Variants in PLD5 observed in about 807,000 individuals in gnomAD.
PLD5 encodes the protein inactive phospholipase D5.
In PLD5, 36 loss-of-function variants were observed where a neutral mutation model predicts 61.1. The observed-to-expected ratio is 0.59, with a 90% CI of 0.45 to 0.78. The LOEUF (loss-of-function observed/expected upper bound fraction) is 0.78, where lower values mean the gene tolerates loss of function less well. PLD5 is among the 30% of genes least tolerant of loss of function. The pLI, the probability that PLD5 is intolerant of heterozygous loss-of-function variation, is 0.00. For missense variants in PLD5, 515 were observed against 644.4 expected (o/e 0.80, Z 2.17); for synonymous variants, 243 against 242.8 (o/e 1.00, Z -0.01).
chr1:242,394,737 T>C (rs1265754024), intron 1 of PLD5, among the ~76,000 whole-genome samples: 10 of 72,570 alleles, frequency 1.4e-4, no homozygotes, highest in Non-Finnish European at 1.7e-4. Context: ...CATATATGTG[T>C]ATATATGTGA....
rs551744958 is a variant in PLD5, at chr1:242,390,776, T to C, written c.190-42534A>G. ...TGACTTAGCCTGCAGGAAGACTATG[T>C]TCTTCCTAACAAGAGACAATCTCAA... On this transcript the variant is annotated intron_variant, in intron 1 of 9. Coordinates refer to ENST00000536534, the MANE Select transcript of PLD5 (RefSeq NM_001372062.1). Among the ~76,000 whole-genome samples the C allele has an allele frequency of 3.3e-5, 5 of 152,262 alleles. No individual in the cohort carries two copies. In the South Asian group the frequency reaches 8.3e-4, roughly 25 times the overall value.
chr1:242,306,778 CACACACACACACA>C (rs1676387328), intron 2 of PLD5, among the ~76,000 whole-genome samples: 3 of 101,806 alleles, frequency 2.9e-5, no homozygotes, highest in Non-Finnish European at 6.1e-5. Context: ...CACACACACA[CACACACACACACA>C]CCCCACTTAC....
intron 5 of PLD5, among the ~76,000 whole-genome samples, chr1:242,207,852 T>TTATATTTA (rs1669474613): frequency 3.6e-5 from 1 of 27,838 alleles, no homozygotes; most frequent in South Asian, 1.5e-3. Flanking sequence ...TTATATATAT[T>TTATATTTA]TATATATTTA....
chr1:242,129,396 G>A (rs1317796518), intron 5 of PLD5, among the ~76,000 whole-genome samples: 1 of 152,098 alleles, frequency 6.6e-6, no homozygotes, highest in African/African-American at 2.4e-5. Flanking sequence ...CCTATTTCTA[G>A]TTTTACGTAT....
intron 5 of PLD5, among the ~76,000 whole-genome samples, chr1:242,130,486 G>T (rs1472080101): frequency 2.0e-5 from 3 of 152,158 alleles, no homozygotes; most frequent in Non-Finnish European, 4.4e-5. Context: ...TTGCTGGATC[G>T]AATGGTAATT....
chr1:242,276,033 T>C (rs4081961), intron 3 of PLD5, among the ~76,000 whole-genome samples: 8,370 of 152,100 alleles, frequency 0.055, 273 homozygotes, highest in Middle Eastern at 0.13. Context: ...AAGTATCAAT[T>C]GCAATGAAAA....
chr1:242,152,186 C>A (rs1200275077), intron 5 of PLD5, among the ~76,000 whole-genome samples: 1 of 151,994 alleles, frequency 6.6e-6, no homozygotes, highest in Non-Finnish European at 1.5e-5. Context: ...GTTCTAGAGG[C>A]TGCTCACCTT....
intron 1 of PLD5, among the ~76,000 whole-genome samples, chr1:242,429,404 T>A (rs2102885865): frequency 6.6e-6 from 1 of 152,298 alleles, no homozygotes; most frequent in East Asian, 1.9e-4. Context: ...TTTTTAAAAT[T>A]TTTTTTAATT....
chr1:242,124,734 A>G, intron 5 of PLD5, 69 bp from the exon 6 acceptor site: 1 of 1,260,712 alleles, frequency 7.9e-7, no homozygotes, highest in Non-Finnish European at 1.1e-6. Context: ...AGAAAAAAGG[A>G]ATGCATAAGA....
intron 2 of PLD5, among the ~76,000 whole-genome samples, chr1:242,317,306 C>A (rs1248544438): frequency 6.6e-6 from 1 of 152,164 alleles, no homozygotes; most frequent in Non-Finnish European, 1.5e-5. Flanking sequence ...TGAGCCACTG[C>A]GCCTGGCCTC....
At chr1:242,415,723 C>T (rs1028906802) in intron 1 of PLD5, among the ~76,000 whole-genome samples, 6 of 151,950 alleles carry the variant, frequency 3.9e-5, no homozygotes, top group African/African-American at 1.5e-4. Context: ...CCATGTTAGC[C>T]AGGATGGTCT....
intron 2 of PLD5, among the ~76,000 whole-genome samples, chr1:242,296,569 G>T (rs1051938933): frequency 6.6e-6 from 1 of 152,176 alleles, no homozygotes; most frequent in Non-Finnish European, 1.5e-5. Context: ...GGAAATAGTT[G>T]ATACAGACCT....
chr1:242,271,201 C>CAGAG (rs60075638), intron 3 of PLD5, among the ~76,000 whole-genome samples: 7 of 102,110 alleles, frequency 6.9e-5, no homozygotes, highest in African/African-American at 3.1e-4. Flanking sequence ...CACACACACA[C>CAGAG]AGAGAGAGAG....
In PLD5 at chr1:242,252,511, G is replaced by A. The variant is rs562046711; in HGVS notation, c.607+12826C>T. ...GAGGATGGCTTGAGCCCAGGAGTTC[G>A]AGACCAGCCTGGGCAACATAACAAG... On this transcript the variant is annotated intron_variant, in intron 4 of 9. Transcript: ENST00000536534. 2.0e-4 allele frequency among the ~76,000 whole-genome samples: 31 copies of A among 152,198 alleles called. No homozygotes were observed. The East Asian group carries it at 4.8e-3, about 24-fold the overall frequency.
chr1:242,473,536 TGA>T (rs1468580645), intron 1 of PLD5, among the ~76,000 whole-genome samples: 1 of 152,234 alleles, frequency 6.6e-6, no homozygotes, highest in Non-Finnish European at 1.5e-5. Flanking sequence ...TTACTAAACA[TGA>T]GTATAGGTAT....
At position 242,114,015 on chromosome 1, in the gene PLD5, T is replaced by G. The variant is rs1320608165; in HGVS notation, c.945A>C (p.Lys315Asn). 6.2e-7 allele frequency: 1 copy of G among 1,612,442 alleles called. No homozygotes were observed. The highest frequency in any genetic ancestry group is 8.5e-7 in the Non-Finnish European group (1 of 1,179,362). Residue 315 changes from lysine (K) to asparagine (N), a missense_variant, in exon 7 of 10, where the codon AAA becomes AAC. Coordinates refer to ENST00000536534, the MANE Select transcript of PLD5 (RefSeq NM_001372062.1). Reference sequence around the variant, plus strand: ...AACTTCTGTTTTTAGGGCAAAAGAGTTTTGGAGAATTCTGTGAAGACACAA... The same window carrying G: ...AACTTCTGTTTTTAGGGCAAAAGAGGTTTGGAGAATTCTGTGAAGACACAA... ...KSQAFVSNSP[K>N]LFCPKNRSFD...
intron 5 of PLD5, among the ~76,000 whole-genome samples, chr1:242,212,768 C>T (rs1308299171): frequency 6.6e-6 from 1 of 152,240 alleles, no homozygotes; most frequent in Non-Finnish European, 1.5e-5. Flanking sequence ...GTACAAGCGA[C>T]ATCCCAGATT....
chr1:242,505,568 A>G (rs1479136014), intron 1 of PLD5, among the ~76,000 whole-genome samples: 1 of 152,182 alleles, frequency 6.6e-6, no homozygotes, highest in East Asian at 1.9e-4. Context: ...TTATGATTTT[A>G]TTGTATTCCA....
At chr1:242,392,348 C>A (rs903008365) in intron 1 of PLD5, among the ~76,000 whole-genome samples, 1 of 152,082 alleles carries the variant, frequency 6.6e-6, no homozygotes, top group Admixed American at 6.5e-5. Flanking sequence ...ATACCATAAA[C>A]CTCAGTGTTA....
Sources: gnomAD v4.1 joint callset for allele counts (sites outside exome capture counted in the v4.1 genomes callset) on GRCh38, gnomAD v4.1.1 for gene constraint, MANE v1.5 for transcripts, NCBI Gene and HGNC (gene_info 2026-07-23, HGNC 2026-07-21) for gene names.